MGAT4C: variants seen among roughly 807,000 people sequenced by gnomAD.
The protein encoded by MGAT4C is alpha-1,3-mannosyl-glycoprotein 4-beta-N-acetylglucosaminyltransferase C.
MGAT4C carries 19 observed loss-of-function variants against 40.1 expected under a neutral mutation model. The ratio of observed to expected loss-of-function variants is 0.47; its 90% CI spans 0.33 to 0.70. The LOEUF (loss-of-function observed/expected upper bound fraction) is 0.70, where lower values mean the gene tolerates loss of function less well. Among genes scored for constraint, MGAT4C ranks in the 30% least tolerant of loss-of-function variants. The pLI is 0.02. For synonymous variants in MGAT4C, 181 were observed against 187.1 expected, an observed-to-expected ratio of 0.97 and a Z score of 0.27; for missense variants, 491 against 563.2, an observed-to-expected ratio of 0.87 and a Z score of 1.30.
At chr12:86,772,315 A>C (rs942229881) in intron 1 of MGAT4C, among the ~76,000 whole-genome samples, 3 of 152,224 alleles carry the variant, frequency 2.0e-5, no homozygotes, top group Non-Finnish European at 4.4e-5. Context: ...ATACATGCTG[A>C]AACACACCCA....
intron 1 of MGAT4C, among the ~76,000 whole-genome samples, chr12:86,131,138 T>C (rs1053706177): frequency 1.3e-5 from 2 of 152,132 alleles, no homozygotes; most frequent in African/African-American, 2.4e-5. Context: ...CATACGGCTT[T>C]GGACAAGTAA....
At chr12:86,571,404 A>T (rs7297336) in intron 2 of MGAT4C, among the ~76,000 whole-genome samples, 129,343 of 151,882 alleles carry the variant, frequency 0.85, 55,604 homozygotes, top group East Asian at 0.96. Flanking sequence ...GGTATACATA[A>T]GTGTGTATAT....
chr12:86,368,256 A>G (rs977377912), intron 3 of MGAT4C, among the ~76,000 whole-genome samples: 12 of 152,192 alleles, frequency 7.9e-5, no homozygotes, highest in Non-Finnish European at 1.5e-4. Context: ...ATTCACAGAA[A>G]GAAATGCCTG....
intron 1 of MGAT4C, among the ~76,000 whole-genome samples, chr12:86,819,439 A>G (rs1952668002): frequency 6.6e-6 from 1 of 150,894 alleles, no homozygotes; most frequent in African/African-American, 2.4e-5. Flanking sequence ...ATTGTACATA[A>G]TTTATTCTTT....
chr12:86,480,676 G>A (rs12322256), intron 2 of MGAT4C, among the ~76,000 whole-genome samples: 2 of 151,346 alleles, frequency 1.3e-5, no homozygotes, highest in African/African-American at 4.8e-5. Context: ...GTGTATATAT[G>A]TATATACAAA....
intron 4 of MGAT4C, among the ~76,000 whole-genome samples, chr12:85,981,748 C>T (rs1469165755): frequency 1.3e-5 from 2 of 152,110 alleles, no homozygotes; most frequent in African/African-American, 4.8e-5. Flanking sequence ...GATGAGGTGA[C>T]TCATGCAAGG....
At chr12:86,085,933 C>G (rs1362771347) in intron 1 of MGAT4C, among the ~76,000 whole-genome samples, 1 of 152,070 alleles carries the variant, frequency 6.6e-6, no homozygotes. Flanking sequence ...TGCTTTTACA[C>G]TGTTGGTGGG....
At chr12:86,672,151 T>A (rs1387214216) in intron 2 of MGAT4C, among the ~76,000 whole-genome samples, 1 of 151,828 alleles carries the variant, frequency 6.6e-6, no homozygotes, top group Non-Finnish European at 1.5e-5. Flanking sequence ...ACTATACAAG[T>A]ATATGGAAAT....
intron 1 of MGAT4C, among the ~76,000 whole-genome samples, chr12:86,095,969 G>C (rs897828813): frequency 2.6e-5 from 4 of 151,712 alleles, no homozygotes; most frequent in African/African-American, 9.7e-5. Context: ...GAGCTCATTA[G>C]AACAATATTT....
intron 2 of MGAT4C, among the ~76,000 whole-genome samples, chr12:86,498,586 G>A (rs1264479920): frequency 6.6e-6 from 1 of 151,840 alleles, no homozygotes; most frequent in Non-Finnish European, 1.5e-5. Flanking sequence ...GCAATCAAGA[G>A]CAATGTAATC....
chr12:86,358,193 G>T (rs1452972000), intron 3 of MGAT4C, among the ~76,000 whole-genome samples: 1 of 152,118 alleles, frequency 6.6e-6, no homozygotes, highest in African/African-American at 2.4e-5. Context: ...TTAAAGAAAA[G>T]AATTTTCAAC....
intron 2 of MGAT4C, among the ~76,000 whole-genome samples, chr12:86,662,277 G>GA (rs1433207999): frequency 1.3e-5 from 2 of 152,050 alleles, no homozygotes; most frequent in African/African-American, 2.4e-5. Flanking sequence ...ATATTTGGAG[G>GA]AAAAAAGAAT....
chr12:86,416,334 TATTTG>T lies in MGAT4C; in HGVS notation c.-120+18818_-120+18822del, dbSNP rs758102098. On this transcript the variant is annotated intron_variant, in intron 3 of 7. Coordinates refer to the MGAT4C transcript ENST00000548651. Reference sequence around the variant, plus strand: ...ATAAAAATTTTTCTTTATAAATCAGTATTTGATTTAATTATGAATCAGGCTTATAT... The same window carrying T: ...ATAAAAATTTTTCTTTATAAATCAGTATTTAATTATGAATCAGGCTTATAT... Among the ~76,000 whole-genome samples the T allele has an allele frequency of 2.6e-5, 4 of 152,128 alleles. No homozygotes were observed. The East Asian group carries it at 7.7e-4, about 29-fold the overall frequency.
intron 2 of MGAT4C, among the ~76,000 whole-genome samples, chr12:86,502,063 T>C (rs1444812323): frequency 6.6e-6 from 1 of 152,060 alleles, no homozygotes; most frequent in African/African-American, 2.4e-5. Context: ...ATTAAAATAA[T>C]GAAACATAAT....
At chr12:86,551,759 C>T (rs950122748) in intron 2 of MGAT4C, among the ~76,000 whole-genome samples, 2 of 152,158 alleles carry the variant, frequency 1.3e-5, no homozygotes, top group Admixed American at 1.3e-4. Flanking sequence ...CAACACCAGG[C>T]AAAGCTGCAC....
chr12:86,365,013 TG>T (rs1267583473), intron 3 of MGAT4C, among the ~76,000 whole-genome samples: 1 of 152,050 alleles, frequency 6.6e-6, no homozygotes, highest in African/African-American at 2.4e-5. Flanking sequence ...ATTTATTAGG[TG>T]GGAATTTCCT....
chr12:86,399,986 C>T (rs1044077371), intron 3 of MGAT4C, among the ~76,000 whole-genome samples: 1 of 152,122 alleles, frequency 6.6e-6, no homozygotes, highest in African/African-American at 2.4e-5. Flanking sequence ...ACAGGTAAAG[C>T]AATGGGGTTT....
intron 3 of MGAT4C, among the ~76,000 whole-genome samples, chr12:86,349,126 T>C (rs995137441): frequency 6.6e-6 from 1 of 152,180 alleles, no homozygotes; most frequent in Non-Finnish European, 1.5e-5. Context: ...AGATATGTGG[T>C]AACCATGTCC....
At chr12:86,692,034 G>A (rs565258225) in intron 2 of MGAT4C, among the ~76,000 whole-genome samples, 104 of 152,196 alleles carry the variant, frequency 6.8e-4, no homozygotes, top group African/African-American at 2.2e-3. Flanking sequence ...AGAGGAAATT[G>A]TTACACTAAA....
Sources: gnomAD v4.1 joint callset for allele counts (sites outside exome capture counted in the v4.1 genomes callset) on GRCh38, gnomAD v4.1.1 for gene constraint, MANE v1.5 for transcripts, NCBI Gene and HGNC (gene_info 2026-07-23, HGNC 2026-07-21) for gene names.